The following EIF4ENIF1 variants were observed in gnomAD, a reference collection of about 807,000 sequenced individuals.
EIF4ENIF1 encodes eukaryotic translation initiation factor 4E transporter.
EIF4ENIF1 carries 23 observed loss-of-function variants against 110.5 expected under a neutral mutation model. The ratio of observed to expected loss-of-function variants is 0.21; its 90% confidence interval spans 0.15 to 0.29. EIF4ENIF1 has a LOEUF of 0.29. EIF4ENIF1 is among the 10% of genes least tolerant of loss of function. The pLI is 1.00. For synonymous variants in EIF4ENIF1, 440 were observed against 437.0 expected (o/e 1.01, Z -0.09); for missense variants, 1,031 against 1,221.1 (o/e 0.84, Z 2.32).
intron 3 of EIF4ENIF1, among the ~76,000 whole-genome samples, chr22:31,468,782 G>C (rs1311727705): frequency 6.6e-6 from 1 of 152,156 alleles, no homozygotes; most frequent in Non-Finnish European, 1.5e-5. Flanking sequence ...TATTAATTCA[G>C]TAATGCTTTG....
At chr22:31,493,295 T>G (rs1329104093), upstream of EIF4ENIF1, among the ~76,000 whole-genome samples, 1 of 152,104 alleles carries the variant, frequency 6.6e-6, no homozygotes, top group Non-Finnish European at 1.5e-5. Context: ...TCCCAAAGTG[T>G]TGTGATTACA....
chr22:31,442,662 A>C (rs1448928060), intron 16 of EIF4ENIF1, among the ~76,000 whole-genome samples: 1 of 152,232 alleles, frequency 6.6e-6, no homozygotes, highest in African/African-American at 2.4e-5. Flanking sequence ...TAATTTGCCA[A>C]ATAAGTATAC....
At chr22:31,468,466 C>T (rs1051184568) in intron 3 of EIF4ENIF1, among the ~76,000 whole-genome samples, 164 bp from the exon 4 acceptor site, 1 of 152,174 alleles carries the variant, frequency 6.6e-6, no homozygotes, top group Non-Finnish European at 1.5e-5. Context: ...GTGATCTCAG[C>T]TCACTGCACC....
chr22:31,452,703 A>T (rs1476176311), intron 10 of EIF4ENIF1, among the ~76,000 whole-genome samples: 5 of 152,232 alleles, frequency 3.3e-5, no homozygotes, highest in African/African-American at 4.8e-5. Context: ...AGGATAGTCT[A>T]CCATCTTTCA....
chr22:31,451,526 G>A (rs577966371), intron 10 of EIF4ENIF1, among the ~76,000 whole-genome samples: 11 of 151,534 alleles, frequency 7.3e-5, no homozygotes, highest in African/African-American at 2.2e-4. Context: ...TGCCCGCCTC[G>A]GCCTCCCAAA....
chr22:31,452,375 A>T (rs1256252189), intron 10 of EIF4ENIF1, among the ~76,000 whole-genome samples: 1 of 152,208 alleles, frequency 6.6e-6, no homozygotes, highest in Non-Finnish European at 1.5e-5. Context: ...GCCTTTGCCT[A>T]GCCACTTGAA....
chr22:31,466,728 G>A (rs1315949396), intron 4 of EIF4ENIF1, among the ~76,000 whole-genome samples: 1 of 151,980 alleles, frequency 6.6e-6, no homozygotes, highest in Admixed American at 6.6e-5. Context: ...TTTTGGTAAC[G>A]GTTTCACAGG....
At chr22:31,453,323 C>A in intron 10 of EIF4ENIF1, 1 of 363,500 alleles carries the variant, frequency 2.8e-6, no homozygotes, top group Non-Finnish European at 5.5e-6. Flanking sequence ...GGAGCCACAA[C>A]TTTTTCCATT....
Position 31,463,738 on chromosome 22 carries a change from G to T in EIF4ENIF1, c.528C>A (p.Asp176Glu). ...FEKDHRLSDK[D>E]LRDLRDRDRE... The stretch of plus-strand genomic sequence containing the variant: ...GGTCTCTGTCTCTCAAGTCCCGCAG[G>T]TCCTTATCGCTAAGACGGTGATCCT... Residue 176 changes from aspartate to glutamate, a missense_variant, in exon 5 of 19, where the codon GAC becomes GAA. This residue lies in a region of EIF4ENIF1 where 704 missense variants were observed against 879.7 expected (regional missense o/e 0.80). Transcript: ENST00000330125. 1 of 1,613,662 alleles carries T rather than the reference G, an allele frequency of 6.2e-7. No homozygotes were observed. The highest frequency in any genetic ancestry group is 1.1e-5 in the South Asian group (1 of 91,062).
upstream of EIF4ENIF1, among the ~76,000 whole-genome samples, chr22:31,491,624 C>A (rs567205374): frequency 9.2e-5 from 14 of 152,292 alleles, no homozygotes; most frequent in Admixed American, 2.6e-4. Flanking sequence ...GGCTGGAAAG[C>A]AATGGCACAA....
At chr22:31,454,949 A>C (rs2050771550) in intron 9 of EIF4ENIF1, among the ~76,000 whole-genome samples, 187 bp downstream of exon 9, 1 of 152,158 alleles carries the variant, frequency 6.6e-6, no homozygotes, top group Non-Finnish European at 1.5e-5. Context: ...AGGGCTCATG[A>C]CCCACTGTGA....
intron 9 of EIF4ENIF1, among the ~76,000 whole-genome samples, 196 bp downstream of exon 9, chr22:31,454,940 G>A (rs1375023631): frequency 6.6e-6 from 1 of 152,086 alleles, no homozygotes; most frequent in Non-Finnish European, 1.5e-5. Flanking sequence ...AGTTCTCATA[G>A]GGCTCATGAC....
chr22:31,447,133 G>A (rs893620205), intron 14 of EIF4ENIF1: 3 of 393,882 alleles, frequency 7.6e-6, no homozygotes, highest in African/African-American at 2.1e-5. Flanking sequence ...TAAATTAGGC[G>A]AGCAGCATCC....
intron 2 of EIF4ENIF1, among the ~76,000 whole-genome samples, chr22:31,480,797 G>C (rs1012312037): frequency 6.6e-5 from 10 of 152,220 alleles, no homozygotes; most frequent in African/African-American, 2.4e-4. Flanking sequence ...GGGTGCAGTG[G>C]CTCACGTCTG....
downstream of EIF4ENIF1, among the ~76,000 whole-genome samples, chr22:31,438,866 G>C (rs932125300): frequency 1.3e-5 from 2 of 152,078 alleles, no homozygotes; most frequent in African/African-American, 4.8e-5. Context: ...GGGACTACAA[G>C]TGTGGGCCAC....
intron 2 of EIF4ENIF1, among the ~76,000 whole-genome samples, chr22:31,475,221 C>T (rs1053744286): frequency 6.6e-6 from 1 of 152,012 alleles, no homozygotes; most frequent in Non-Finnish European, 1.5e-5. Flanking sequence ...CTGAGATAAA[C>T]ACAGTTCCAA....
Position 31,454,126 on chromosome 22 carries a change from T to G in EIF4ENIF1, c.1512+18A>C, listed in dbSNP as rs2050750691. On this transcript the variant is annotated intron_variant, in intron 10 of 18. Coordinates refer to ENST00000330125, the MANE Select transcript of EIF4ENIF1 (RefSeq NM_019843.4). ...AAAAAAAGGAGAAAAGGGTGGGGGGTTTGTGTCAGATACTTACGCTGACTT... is the reference window on the plus strand; with the variant it reads ...AAAAAAAGGAGAAAAGGGTGGGGGGGTTGTGTCAGATACTTACGCTGACTT... 2.5e-6 allele frequency: 4 copies of G among 1,602,980 alleles called. No individual in the cohort carries two copies. The highest frequency in any genetic ancestry group is 3.4e-6 in the Non-Finnish European group (4 of 1,170,984).
At chr22:31,473,765 A>G (rs962327382) in intron 2 of EIF4ENIF1, among the ~76,000 whole-genome samples, 64 of 152,202 alleles carry the variant, frequency 4.2e-4, no homozygotes, top group African/African-American at 1.5e-3. Context: ...CATTTGGTCA[A>G]GGTATTCTCT....
upstream of EIF4ENIF1, among the ~76,000 whole-genome samples, chr22:31,493,250 C>T (rs1297895644): frequency 2.6e-5 from 4 of 151,622 alleles, no homozygotes; most frequent in Admixed American, 2.6e-4. Flanking sequence ...AGGATGGTCT[C>T]GATCTCCTGA....
Sources: gnomAD v4.1 joint callset for allele counts (sites outside exome capture counted in the v4.1 genomes callset) on GRCh38, gnomAD v4.1.1 for gene constraint, gnomAD v4.1.1 regional missense constraint, MANE v1.5 for transcripts, NCBI Gene and HGNC (gene_info 2026-07-23, HGNC 2026-07-21) for gene names.